Variants in SLC8A2 observed in about 807,000 individuals in gnomAD.
SLC8A2 encodes sodium/calcium exchanger 2.
SLC8A2 carries 14 observed loss-of-function variants against 70.2 expected under a neutral mutation model. That is an observed-to-expected ratio of 0.20 (90% CI 0.13 to 0.31). The LOEUF is 0.31. Ranked by LOEUF, SLC8A2 falls within the 10% of genes least tolerant of loss-of-function variation. SLC8A2 has a pLI of 1.00. For missense variants in SLC8A2, 779 were observed against 1,320.1 expected (o/e 0.59, Z 6.35); for synonymous variants, 575 against 594.3 (o/e 0.97, Z 0.47).
chr19:47,445,862 G>A (rs574669467), intron 4 of SLC8A2, among the ~76,000 whole-genome samples: 6 of 152,188 alleles, frequency 3.9e-5, no homozygotes, highest in Non-Finnish European at 8.8e-5. Flanking sequence ...GAGGGGTCTG[G>A]GATGGTGCCT....
At position 47,466,886 on chromosome 19, in the gene SLC8A2, G is replaced by A. The variant is rs750963509; in HGVS notation, c.-16-467C>T. ...AGCCTGGCCAACATGGTGAAACCCCGTCTCTACTAAAAATACAAAAATTAG... is the reference window on the plus strand; with the variant it reads ...AGCCTGGCCAACATGGTGAAACCCCATCTCTACTAAAAATACAAAAATTAG... On this transcript the variant is annotated intron_variant, in intron 1 of 9. Transcript: ENST00000236877. This position sits in a 1 kb window ranked among gnomAD's most constrained non-coding sequence, Gnocchi z 6.9. Among the ~76,000 whole-genome samples, 5 of 152,102 alleles carry A rather than the reference G, an allele frequency of 3.3e-5. No homozygotes were observed. The highest frequency in any genetic ancestry group is 4.2e-4 in the South Asian group (2 of 4,816).
At chr19:47,439,305 A>G (rs1023571774) in intron 6 of SLC8A2, among the ~76,000 whole-genome samples, 3 of 152,192 alleles carry the variant, frequency 2.0e-5, no homozygotes, top group African/African-American at 7.2e-5. Flanking sequence ...AGGCAGGTGG[A>G]TCACCTGAGG....
rs1334819993 is a variant in SLC8A2, at chr19:47,465,771, C to T, written c.633G>A (p.Trp211Ter). The stretch of plus-strand genomic sequence containing the variant: ...AAAAAACAGCAAGGATGAGATAAAG[C>T]CAGACATAGGCGAAGATGCTCCAAG... ...TASWSIFAYV[W>*]LYLILAVFSP... The change falls in exon 2 of 10, where the codon TGG becomes TGA. Residue 211 changes from tryptophan to a stop codon, truncating the protein, a stop_gained. Coordinates refer to ENST00000236877, the MANE Select transcript of SLC8A2 (RefSeq NM_015063.3). LOFTEE classifies it high-confidence loss of function. The surrounding 1 kb of genome is among the most constrained non-coding windows in gnomAD (Gnocchi z 5.5). 6.2e-7 allele frequency: 1 copy of T among 1,613,766 alleles called. No individual in the cohort carries two copies. Among genetic ancestry groups the T allele is most frequent in the Non-Finnish European group, 8.5e-7 (1 of 1,179,784 alleles).
chr19:47,444,754 C>G (rs1479632733), intron 4 of SLC8A2, among the ~76,000 whole-genome samples: 2 of 152,226 alleles, frequency 1.3e-5, no homozygotes, highest in South Asian at 4.1e-4. Context: ...GCGCAGGAAA[C>G]AGCAAGAGGG....
At chr19:47,458,157 C>G (rs1263978070) in intron 2 of SLC8A2, among the ~76,000 whole-genome samples, 1 of 151,978 alleles carries the variant, frequency 6.6e-6, no homozygotes, top group East Asian at 1.9e-4. Context: ...TTGTTCATCT[C>G]TGCCTCTCCC....
chr19:47,471,811 G>T lies in SLC8A2; in HGVS notation c.-39C>A, dbSNP rs1967544886. 1 of 151,956 alleles carries T rather than the reference G, an allele frequency of 6.6e-6. No individual in the cohort carries two copies. Among genetic ancestry groups the T allele is most frequent in the African/African-American group, 2.4e-5 (1 of 41,254 alleles). The allele number at this position is 151,956 out of a possible 1,614,324, so 9.4% of individuals were successfully genotyped here. ...TACCTGCGGCTACAGCCTGGAGCAG[G>T]TCCCCCCAGCGCTGGGCTGGCAGTG... is the stretch of plus-strand genomic sequence containing the variant. On this transcript the variant is annotated 5_prime_UTR_variant, in exon 1 of 10. Coordinates refer to ENST00000236877, the MANE Select transcript of SLC8A2 (RefSeq NM_015063.3).
chr19:47,459,660 T>G (rs558851459), intron 2 of SLC8A2, among the ~76,000 whole-genome samples: 1 of 151,346 alleles, frequency 6.6e-6, no homozygotes, highest in African/African-American at 2.4e-5. Flanking sequence ...TGTGTGTCCT[T>G]CTGTGTGTGT....
At chr19:47,437,374 G>C in intron 8 of SLC8A2, 88 bp downstream of exon 8, 1 of 990,394 alleles carries the variant, frequency 1.0e-6, no homozygotes, top group East Asian at 2.4e-5. Flanking sequence ...GTTTATCTTT[G>C]TGCCTGTCTC....
intron 8 of SLC8A2, among the ~76,000 whole-genome samples, chr19:47,433,589 G>A (rs958099163): frequency 2.0e-5 from 3 of 152,058 alleles, no homozygotes; most frequent in Non-Finnish European, 4.4e-5. Flanking sequence ...TGTAAATGAT[G>A]CCTCATGCTT....
chr19:47,453,664 G>A (rs796489886), intron 3 of SLC8A2, among the ~76,000 whole-genome samples: 46 of 152,324 alleles, frequency 3.0e-4, no homozygotes, highest in African/African-American at 1.1e-3. Context: ...ATTTTGGGAG[G>A]CTAAGGCAGG....
In SLC8A2 at chr19:47,447,751, T is replaced by A; in HGVS notation, c.1763+58A>T. 1.3e-6 allele frequency: 2 copies of A among 1,481,964 alleles called. No individual in the cohort carries two copies. Among genetic ancestry groups the A allele is most frequent in the Non-Finnish European group, 1.8e-6 (2 of 1,121,198 alleles). 91.8% of individuals were successfully genotyped at this position (1,481,964 alleles called of 1,614,324 possible). Reference sequence around the variant, plus strand: ...ACCCAGGCCCCGCCCCTGAGCCACATCAGGCCTCGCCCATTCCGAAGCCCC... The same window carrying A: ...ACCCAGGCCCCGCCCCTGAGCCACAACAGGCCTCGCCCATTCCGAAGCCCC... On this transcript the variant is annotated intron_variant, in intron 4 of 9. Coordinates refer to ENST00000236877, the MANE Select transcript of SLC8A2 (RefSeq NM_015063.3). The surrounding 1 kb of genome is among the most constrained non-coding windows in gnomAD (Gnocchi z 5.1).
Position 47,428,716 on chromosome 19 carries a change from G to A in SLC8A2, c.*1373C>T, listed in dbSNP as rs1966908866. 1 of 152,598 alleles carries A rather than the reference G, an allele frequency of 6.6e-6. No homozygotes were observed. 9.5% of individuals were successfully genotyped at this position (152,598 alleles called of 1,614,324 possible). A position where few individuals can be genotyped will look rare whatever the true frequency, so the allele number is the denominator to read the frequency against. Reference sequence around the variant, plus strand: ...CAACTTTTACAGAAATCACAGAAAAGAGACAGCGACTGATGATGAGCTGGG... The same window carrying A: ...CAACTTTTACAGAAATCACAGAAAAAAGACAGCGACTGATGATGAGCTGGG... On this transcript the variant is annotated 3_prime_UTR_variant, in exon 10 of 10. Transcript: ENST00000236877.
At chr19:47,442,654 T>C (rs1222198285) in intron 4 of SLC8A2, among the ~76,000 whole-genome samples, 1 of 152,140 alleles carries the variant, frequency 6.6e-6, no homozygotes, top group Admixed American at 6.6e-5. Context: ...AGCACTCCCT[T>C]ATACTGCTCT....
chr19:47,452,474 G>A (rs888864117), intron 3 of SLC8A2, among the ~76,000 whole-genome samples: 1 of 148,216 alleles, frequency 6.7e-6, no homozygotes, highest in African/African-American at 2.5e-5. Context: ...GTGTGTGTGT[G>A]TGTGTGTGTG....
intron 8 of SLC8A2, among the ~76,000 whole-genome samples, chr19:47,434,551 C>A (rs1018935946): frequency 5.3e-5 from 8 of 152,182 alleles, no homozygotes; most frequent in African/African-American, 1.9e-4. Context: ...TCAACGGTCT[C>A]GGACACCTCC....
At position 47,456,340 on chromosome 19, in the gene SLC8A2, CAT is replaced by C. The variant is rs1302284193; in HGVS notation, c.1340+588_1340+589del. Among the ~76,000 whole-genome samples the C allele has an allele frequency of 3.9e-5, 6 of 152,172 alleles. No homozygotes were observed. In the East Asian group the frequency reaches 1.2e-3, roughly 29 times the overall value. ...CACTAAACATTAATGTTCCTATGCA[CAT>C]GAGGAGACAGCTGTTTTACCAGACA... On this transcript the variant is annotated intron_variant, in intron 3 of 9. Coordinates refer to ENST00000236877, the MANE Select transcript of SLC8A2 (RefSeq NM_015063.3).
chr19:47,453,163 C>G (rs1263362542), intron 3 of SLC8A2, among the ~76,000 whole-genome samples: 1 of 152,222 alleles, frequency 6.6e-6, no homozygotes, highest in Admixed American at 6.5e-5. Flanking sequence ...TCTCAGAGAT[C>G]ACGTTTAGTT....
chr19:47,433,463 T>G (rs1356009580), intron 8 of SLC8A2, among the ~76,000 whole-genome samples: 1 of 152,212 alleles, frequency 6.6e-6, no homozygotes, highest in Non-Finnish European at 1.5e-5. Flanking sequence ...TTGCCAGAAT[T>G]CCTCCTGTGA....
chr19:47,447,670 A>C lies in SLC8A2; in HGVS notation c.1763+139T>G. On this transcript the variant is annotated intron_variant, in intron 4 of 9. Transcript: ENST00000236877. The surrounding 1 kb of genome is among the most constrained non-coding windows in gnomAD (Gnocchi z 5.1). ...GCCCACGTTGCGGGCACGGCCACGC[A>C]GGCCCCTCCCCTCCCGAGGCCCAAC... is the stretch of plus-strand genomic sequence containing the variant. The C allele has an allele frequency of 5.8e-6, 5 of 856,280 alleles. No individual in the cohort carries two copies. The highest frequency in any genetic ancestry group is 1.9e-5 in the African/African-American group (1 of 51,604). The allele number at this position is 856,280 out of a possible 1,614,324, so 53.0% of individuals were successfully genotyped here.
Sources: allele counts gnomAD v4.1 joint callset (sites outside exome capture counted in the v4.1 genomes callset), GRCh38; gene constraint gnomAD v4.1.1; non-coding constraint Gnocchi (gnomAD v3.1); transcripts MANE v1.5; gene names NCBI Gene and HGNC (gene_info 2026-07-23, HGNC 2026-07-21).